The following LRRC37A2 variants were observed in gnomAD, a reference collection of about 807,000 sequenced individuals.
The protein encoded by LRRC37A2 is leucine rich repeat containing 37 member A2, also known as leucine-rich repeat-containing protein 37A2.
Under a neutral mutation model 68.8 loss-of-function variants are expected in LRRC37A2, and 9 were observed. That is an observed-to-expected ratio of 0.13 (90% confidence interval 0.08 to 0.23). The LOEUF (loss-of-function observed/expected upper bound fraction) is 0.23, where lower values mean the gene tolerates loss of function less well. Among genes scored for constraint, LRRC37A2 ranks in the 10% least tolerant of loss-of-function variants. LRRC37A2 has a pLI of 1.00. For missense variants in LRRC37A2, 168 were observed against 950.4 expected, an observed-to-expected ratio of 0.18 and a Z score of 10.82; for synonymous variants, 63 against 367.6, an observed-to-expected ratio of 0.17 and a Z score of 9.48.
chr17:46,494,256 C>T, the LRRC37A2 span, among the ~76,000 whole-genome samples: 3 of 150,900 alleles, frequency 2.0e-5, no homozygotes, highest in Admixed American at 1.3e-4. Context: ...GTTTCATTGT[C>T]TTAGCGGTGT....
the LRRC37A2 span, chr17:47,018,393 C>G: frequency 6.2e-7 from 1 of 1,604,714 alleles, no homozygotes; most frequent in Non-Finnish European, 8.5e-7. Context: ...AGGTCACCAT[C>G]AAACTCATCA....
At chr17:46,754,000 C>A in the LRRC37A2 span, among the ~76,000 whole-genome samples, 2 of 152,104 alleles carry the variant, frequency 1.3e-5, no homozygotes, top group African/African-American at 4.8e-5. Flanking sequence ...GGAATAAAGT[C>A]ATTTATCTAG....
At chr17:46,474,226 T>C in the LRRC37A2 span, among the ~76,000 whole-genome samples, 1 of 103,296 alleles carries the variant, frequency 9.7e-6, no homozygotes, top group Admixed American at 9.4e-5. Flanking sequence ...ACTTTTGTAT[T>C]TTTAGTAGAG....
chr17:46,679,685 T>C, the LRRC37A2 span, among the ~76,000 whole-genome samples: 3 of 132,292 alleles, frequency 2.3e-5, no homozygotes, highest in East Asian at 2.1e-4. Flanking sequence ...AAAGTGAAAC[T>C]CCATGTCAAA....
chr17:46,821,691 G>A, the LRRC37A2 span, among the ~76,000 whole-genome samples: 6 of 152,192 alleles, frequency 3.9e-5, no homozygotes. Flanking sequence ...GTGGCACGTG[G>A]GAAGCACTTT....
the LRRC37A2 span, among the ~76,000 whole-genome samples, chr17:46,957,433 T>C: frequency 6.6e-6 from 1 of 151,994 alleles, no homozygotes; most frequent in African/African-American, 2.4e-5. Flanking sequence ...GCCAACATGG[T>C]GAAACCCCAT....
chr17:46,711,927 A>G, the LRRC37A2 span, among the ~76,000 whole-genome samples: 3 of 152,218 alleles, frequency 2.0e-5, no homozygotes, highest in Non-Finnish European at 4.4e-5. Context: ...TTATCCTGAC[A>G]TGAGACTGTA....
chr17:46,933,541 G>A, the LRRC37A2 span: 1 of 152,108 alleles, frequency 6.6e-6, no homozygotes, highest in Admixed American at 6.5e-5. Flanking sequence ...ACGCCTATCT[G>A]TGAGGAGCTC....
chr17:46,769,553 C>T, the LRRC37A2 span, among the ~76,000 whole-genome samples: 3 of 152,138 alleles, frequency 2.0e-5, no homozygotes, highest in Non-Finnish European at 4.4e-5. Context: ...TGGCCATGCT[C>T]CCAGGCCGAC....
At chr17:47,007,181 CTCTTT>C in the LRRC37A2 span, among the ~76,000 whole-genome samples, 1 of 151,538 alleles carries the variant, frequency 6.6e-6, no homozygotes, top group African/African-American at 2.4e-5. Flanking sequence ...TTTTTTCTTT[CTCTTT>C]TCTTTTCCTT....
chr17:46,770,803 C>T, the LRRC37A2 span, among the ~76,000 whole-genome samples: 7 of 152,346 alleles, frequency 4.6e-5, no homozygotes, highest in East Asian at 1.4e-3. Context: ...CTCCAGCCTC[C>T]TCACAACGGT....
chr17:46,978,487 G>A, the LRRC37A2 span: 10 of 817,706 alleles, frequency 1.2e-5, no homozygotes, highest in East Asian at 3.0e-5. Flanking sequence ...GTCCCTTCCC[G>A]CGCCCCCGCC....
At chr17:46,929,599 G>A in the LRRC37A2 span, 38 of 1,314,576 alleles carry the variant, frequency 2.9e-5, no homozygotes, top group Admixed American at 6.0e-4. Flanking sequence ...GTAATTAACT[G>A]TGGAGACCAG....
At chr17:46,752,260 CTTACCT>C in the LRRC37A2 span, among the ~76,000 whole-genome samples, 1 of 152,142 alleles carries the variant, frequency 6.6e-6, no homozygotes, top group Non-Finnish European at 1.5e-5. Flanking sequence ...CTCCTGGCAA[CTTACCT>C]TTCTTCATTT....
the LRRC37A2 span, among the ~76,000 whole-genome samples, chr17:46,679,912 G>A: frequency 6.8e-6 from 1 of 147,766 alleles, no homozygotes; most frequent in Non-Finnish European, 1.5e-5. Flanking sequence ...ATTTATAGCA[G>A]AAATCAGAAT....
the LRRC37A2 span, among the ~76,000 whole-genome samples, chr17:46,897,596 A>G: frequency 1.8e-4 from 27 of 151,974 alleles, no homozygotes; most frequent in African/African-American, 6.5e-4. Flanking sequence ...GTGCTTGGTG[A>G]ATGGCTTTTC....
chr17:46,709,493 A>AT, the LRRC37A2 span, among the ~76,000 whole-genome samples: 210 of 143,542 alleles, frequency 1.5e-3, no homozygotes, highest in Admixed American at 4.8e-3. Flanking sequence ...CCAGCCTATA[A>AT]TTTTTTTTTT....
At chr17:46,985,731 T>C in the LRRC37A2 span, among the ~76,000 whole-genome samples, 2 of 152,196 alleles carry the variant, frequency 1.3e-5, no homozygotes, top group African/African-American at 4.8e-5. Context: ...TGTGTGACAT[T>C]GGACAAGTGA....
the LRRC37A2 span, among the ~76,000 whole-genome samples, chr17:46,899,891 G>A: frequency 6.6e-6 from 1 of 151,876 alleles, no homozygotes; most frequent in South Asian, 2.1e-4. Flanking sequence ...GATATATAGT[G>A]GGGGTAGTTA....
Sources: allele counts gnomAD v4.1 joint callset (sites outside exome capture counted in the v4.1 genomes callset), GRCh38; gene constraint gnomAD v4.1.1; transcripts MANE v1.5; gene names NCBI Gene and HGNC (gene_info 2026-07-23, HGNC 2026-07-21).